Variants in CTNND2 observed in about 807,000 individuals in gnomAD.
CTNND2 encodes catenin delta-2.
In CTNND2, 22 loss-of-function variants were observed where a neutral mutation model predicts 144.4. The observed-to-expected ratio is 0.15, with a 90% CI of 0.11 to 0.22. The LOEUF is 0.22. Among genes scored for constraint, CTNND2 ranks in the 10% least tolerant of loss-of-function variants. The pLI is 1.00. For synonymous variants in CTNND2, 751 were observed against 695.6 expected, an observed-to-expected ratio of 1.08 and a Z score of -1.25; for missense variants, 1,353 against 1,618.8, an observed-to-expected ratio of 0.84 and a Z score of 2.82.
intron 8 of CTNND2, among the ~76,000 whole-genome samples, chr5:11,355,458 C>T (rs1755767896): frequency 6.6e-6 from 1 of 151,968 alleles, no homozygotes. Flanking sequence ...TAAAATTCAA[C>T]ATCCCTGCAT....
At chr5:11,454,393 C>CT (rs1765550429) in intron 3 of CTNND2, among the ~76,000 whole-genome samples, 1 of 151,870 alleles carries the variant, frequency 6.6e-6, no homozygotes, top group African/African-American at 2.4e-5. Flanking sequence ...GCACTTCGGC[C>CT]TGGTGACAGA....
At chr5:11,595,086 A>G (rs781731072) in intron 2 of CTNND2, among the ~76,000 whole-genome samples, 7 of 152,198 alleles carry the variant, frequency 4.6e-5, no homozygotes, top group Non-Finnish European at 8.8e-5. Flanking sequence ...TTCTTTTGCA[A>G]TTAAATCCTT....
intron 1 of CTNND2, among the ~76,000 whole-genome samples, chr5:11,795,586 A>T (rs1664959132): frequency 6.6e-6 from 1 of 152,158 alleles, no homozygotes; most frequent in South Asian, 2.1e-4. Context: ...GAGGGATAGA[A>T]GGGGAAATGA....
intron 9 of CTNND2, among the ~76,000 whole-genome samples, chr5:11,338,641 G>A (rs1181039543): frequency 6.6e-6 from 1 of 152,128 alleles, no homozygotes; most frequent in Non-Finnish European, 1.5e-5. Context: ...TATCATGGAG[G>A]CCCCTATGCC....
At chr5:11,797,794 T>G (rs2126880718) in intron 1 of CTNND2, among the ~76,000 whole-genome samples, 1 of 152,332 alleles carries the variant, frequency 6.6e-6, no homozygotes, top group Admixed American at 6.5e-5. Flanking sequence ...TAGTCTAAAT[T>G]TGTAGTATAG....
intron 16 of CTNND2, among the ~76,000 whole-genome samples, chr5:11,079,158 T>C (rs1435146579): frequency 6.6e-6 from 1 of 152,200 alleles, no homozygotes; most frequent in African/African-American, 2.4e-5. Flanking sequence ...TATAAAAACA[T>C]TTTGTCTGCA....
At chr5:11,240,206 C>CA (rs1561074085) in intron 9 of CTNND2, among the ~76,000 whole-genome samples, 2 of 113,210 alleles carry the variant, frequency 1.8e-5, no homozygotes, top group East Asian at 2.7e-4. Context: ...CACACACACA[C>CA]CCCCAACACA....
At chr5:11,534,112 C>G (rs998722122) in intron 3 of CTNND2, among the ~76,000 whole-genome samples, 1 of 152,104 alleles carries the variant, frequency 6.6e-6, no homozygotes, top group South Asian at 2.1e-4. Context: ...AGCCTCCTAC[C>G]GTGTTTAGAT....
chr5:11,167,194 C>T (rs186908084), intron 11 of CTNND2, among the ~76,000 whole-genome samples: 1 of 152,200 alleles, frequency 6.6e-6, no homozygotes, highest in African/African-American at 2.4e-5. Context: ...GGCTGATAGG[C>T]GTGGGAGGTG....
intron 12 of CTNND2, among the ~76,000 whole-genome samples, chr5:11,153,050 G>A (rs1343014248): frequency 6.6e-6 from 1 of 152,106 alleles, no homozygotes; most frequent in Non-Finnish European, 1.5e-5. Flanking sequence ...GATCACTTGA[G>A]GTCAGGAGTT....
intron 7 of CTNND2, among the ~76,000 whole-genome samples, chr5:11,383,979 C>A (rs942424494): frequency 2.0e-5 from 3 of 152,154 alleles, no homozygotes; most frequent in Admixed American, 2.0e-4. Context: ...TCTCCCCAAG[C>A]CCAGCCCCTC....
At chr5:11,129,302 TTA>T (rs199703862) in intron 12 of CTNND2, among the ~76,000 whole-genome samples, 37,478 of 66,132 alleles carry the variant, frequency 0.57, 10,026 homozygotes, top group Non-Finnish European at 0.62. Flanking sequence ...ATAATATATA[TTA>T]TATATATAAA....
chr5:11,483,663 T>A (rs1444998331), intron 3 of CTNND2, among the ~76,000 whole-genome samples: 2 of 152,184 alleles, frequency 1.3e-5, no homozygotes, highest in Admixed American at 6.5e-5. Context: ...TGTAAGCTCC[T>A]CGAGAGTAAG....
chr5:11,508,071 T>G (rs779310832), intron 3 of CTNND2, among the ~76,000 whole-genome samples: 2 of 151,718 alleles, frequency 1.3e-5, no homozygotes, highest in Non-Finnish European at 2.9e-5. Context: ...TGTCCTAAGG[T>G]CTGGGATTTT....
chr5:11,032,417 C>A (rs1743577777), intron 16 of CTNND2, among the ~76,000 whole-genome samples: 1 of 152,150 alleles, frequency 6.6e-6, no homozygotes, highest in Non-Finnish European at 1.5e-5. Flanking sequence ...ATAAATATAT[C>A]TAATTTAAAC....
At chr5:11,563,295 G>A (rs1776820166) in intron 3 of CTNND2, among the ~76,000 whole-genome samples, 2 of 152,130 alleles carry the variant, frequency 1.3e-5, no homozygotes, top group Non-Finnish European at 2.9e-5. Context: ...GAAACAAGAG[G>A]CTTCAAAGCC....
intron 1 of CTNND2, among the ~76,000 whole-genome samples, chr5:11,898,367 G>A (rs1263732349): frequency 6.6e-6 from 1 of 152,150 alleles, no homozygotes; most frequent in Non-Finnish European, 1.5e-5. Context: ...ATACAATAAA[G>A]CATTTGTACA....
intron 1 of CTNND2, among the ~76,000 whole-genome samples, chr5:11,788,767 G>A (rs1004671261): frequency 1.3e-5 from 2 of 152,100 alleles, no homozygotes; most frequent in African/African-American, 4.8e-5. Context: ...CCATGTTGGT[G>A]TGCTGCACTC....
intron 2 of CTNND2, among the ~76,000 whole-genome samples, chr5:11,731,622 C>T (rs1032617953): frequency 1.3e-5 from 2 of 152,094 alleles, no homozygotes. Flanking sequence ...GGCAAAGTAA[C>T]ATTGGAGGAA....
Sources: gnomAD v4.1 joint callset for allele counts (sites outside exome capture counted in the v4.1 genomes callset) on GRCh38, gnomAD v4.1.1 for gene constraint, MANE v1.5 for transcripts, NCBI Gene and HGNC (gene_info 2026-07-23, HGNC 2026-07-21) for gene names.